Variants in TNS1 observed in about 807,000 individuals in gnomAD.
TNS1 encodes tensin 1.
TNS1 carries 62 observed loss-of-function variants against 168.6 expected under a neutral mutation model. That is an observed-to-expected ratio of 0.37 (90% CI 0.30 to 0.45). TNS1 has a LOEUF of 0.45. Ranked by LOEUF, TNS1 falls within the 20% of genes least tolerant of loss-of-function variation. The pLI is 1.00. For synonymous variants in TNS1, 934 were observed against 933.2 expected, an observed-to-expected ratio of 1.00 and a Z score of -0.02; for missense variants, 2,240 against 2,339.4, an observed-to-expected ratio of 0.96 and a Z score of 0.88.
intron 16 of TNS1, among the ~76,000 whole-genome samples, chr2:217,883,854 C>A (rs1950913581): frequency 6.6e-6 from 1 of 152,300 alleles, no homozygotes; most frequent in South Asian, 2.1e-4. Context: ...GCCCCAGGTC[C>A]AGTCTTTCTC....
chr2:217,886,185 G>A, intron 13 of TNS1, 81 bp from the exon 14 acceptor site: 1 of 1,464,060 alleles, frequency 6.8e-7, no homozygotes, highest in Non-Finnish European at 9.5e-7. Flanking sequence ...AAGGGAGAAA[G>A]AGAGAAAGGA....
At chr2:217,979,044 A>G in intron 2 of TNS1, 1 of 481,926 alleles carries the variant, frequency 2.1e-6, no homozygotes, top group Non-Finnish European at 3.7e-6. Flanking sequence ...TCCCAGAGCC[A>G]GAGCCCCTCC....
chr2:217,945,888 C>G (rs1006989561), intron 3 of TNS1, among the ~76,000 whole-genome samples: 3 of 152,182 alleles, frequency 2.0e-5, no homozygotes, highest in Non-Finnish European at 4.4e-5. Flanking sequence ...GATCCCGGGT[C>G]AGTTTCAGCT....
Position 217,848,644 on chromosome 2 carries a change from T to C in TNS1, c.1873A>G (p.Ile625Val). ...TGGTTTGGCAATTCATCGTCCAGGA[T>C]GTCTGTCTCCCGCTCAGATGCTAAC... ...GALASERETD[I>V]LDDELPNQDG... The change falls in exon 19 of 33, where the codon ATC (isoleucine) becomes GTC (valine). Residue 625 changes from isoleucine to valine, a missense_variant. Physicochemically the swap from Ile to Val is conservative, Grantham distance 29. This residue lies in a region of TNS1 where 2,131 missense variants were observed against 2,171.2 expected (regional missense o/e 0.98). Transcript: ENST00000682258. The C allele has an allele frequency of 1.9e-6, 3 of 1,614,232 alleles. No individual in the cohort carries two copies. Among genetic ancestry groups the C allele is most frequent in the South Asian group, 1.1e-5 (1 of 91,090 alleles).
At chr2:217,852,421 C>G (rs1050974968) in intron 18 of TNS1, among the ~76,000 whole-genome samples, 4 of 152,210 alleles carry the variant, frequency 2.6e-5, no homozygotes, top group African/African-American at 9.7e-5. Context: ...GCCTCCTCAT[C>G]CCCCACGTTC....
chr2:217,926,038 T>C (rs1575095846), intron 3 of TNS1, among the ~76,000 whole-genome samples: 1 of 152,316 alleles, frequency 6.6e-6, no homozygotes, highest in East Asian at 1.9e-4. Context: ...TAAGTTAAAA[T>C]GAGGCCCTAA....
intron 3 of TNS1, among the ~76,000 whole-genome samples, chr2:217,965,431 C>A (rs1425769545): frequency 6.6e-6 from 1 of 152,168 alleles, no homozygotes; most frequent in Non-Finnish European, 1.5e-5. Context: ...AGTCAAGAGC[C>A]TCCTAAGCCG....
At chr2:217,994,329 G>A (rs566411258) in intron 1 of TNS1, among the ~76,000 whole-genome samples, 2 of 152,146 alleles carry the variant, frequency 1.3e-5, no homozygotes, top group Admixed American at 1.3e-4. Context: ...AGTGTCAACT[G>A]CAGCAGTCCA....
chr2:217,929,713 G>A (rs897707190), intron 3 of TNS1, among the ~76,000 whole-genome samples: 7 of 13,564 alleles, frequency 5.2e-4, no homozygotes, highest in Admixed American at 7.8e-4. Flanking sequence ...CACCCGCCCC[G>A]GCCACCAAAG....
chr2:217,957,783 T>A (rs1957401015), intron 3 of TNS1, among the ~76,000 whole-genome samples: 2 of 144,884 alleles, frequency 1.4e-5, no homozygotes, highest in South Asian at 4.3e-4. Context: ...AGATGCATAC[T>A]GAAGTATTTA....
At chr2:217,904,080 T>A (rs961515808) in intron 6 of TNS1, among the ~76,000 whole-genome samples, 3 of 152,168 alleles carry the variant, frequency 2.0e-5, no homozygotes, top group African/African-American at 7.2e-5. Context: ...CAGAGATTGG[T>A]GACCAACCTA....
intron 4 of TNS1, among the ~76,000 whole-genome samples, chr2:217,910,514 T>C (rs1432459068): frequency 1.3e-5 from 2 of 152,002 alleles, no homozygotes; most frequent in African/African-American, 4.8e-5. Flanking sequence ...GGCATGGGAC[T>C]GGTAACAGGA....
chr2:217,922,473 C>A (rs747316110), intron 3 of TNS1, among the ~76,000 whole-genome samples: 13 of 152,230 alleles, frequency 8.5e-5, no homozygotes, highest in Non-Finnish European at 7.4e-5. Flanking sequence ...GCCAAGCTGC[C>A]AGAGGACGGG....
At chr2:218,002,045 C>T (rs1958574565) in intron 1 of TNS1, among the ~76,000 whole-genome samples, 1 of 152,240 alleles carries the variant, frequency 6.6e-6, no homozygotes, top group East Asian at 1.9e-4. Context: ...TCCTCTCCTC[C>T]TCTGACCCCC....
intron 22 of TNS1, chr2:217,829,925 G>A (rs1170620484): frequency 5.6e-6 from 9 of 1,611,004 alleles, no homozygotes; most frequent in Non-Finnish European, 7.6e-6. Flanking sequence ...GGAGAGGCAG[G>A]AAAGAAGGGC....
rs540260279 is a variant in TNS1, at chr2:217,939,434, G to A, written c.187-19198C>T. On this transcript the variant is annotated intron_variant, in intron 3 of 32. Transcript: ENST00000682258. ...ACAGCAAGGATCACCAGAGAGGCCA[G>A]AGGTGCAGGTCTGCCCTCAAGGAGC... Among the ~76,000 whole-genome samples the A allele has an allele frequency of 2.0e-5, 3 of 152,372 alleles. No individual in the cohort carries two copies. The South Asian group carries it at 6.2e-4, about 32-fold the overall frequency.
chr2:217,955,415 C>G, intron 3 of TNS1, among the ~76,000 whole-genome samples: 1 of 152,230 alleles, frequency 6.6e-6, no homozygotes, highest in Admixed American at 6.5e-5. Context: ...GAAGTGGGCC[C>G]AAACACGAGC....
chr2:217,902,793 C>T (rs768835762), intron 6 of TNS1, among the ~76,000 whole-genome samples: 5 of 152,240 alleles, frequency 3.3e-5, no homozygotes, highest in East Asian at 1.9e-4. Flanking sequence ...GGATGGGGGA[C>T]GAACAGCTGG....
intron 3 of TNS1, among the ~76,000 whole-genome samples, chr2:217,964,593 C>T (rs1454458226): frequency 6.6e-6 from 1 of 152,164 alleles, no homozygotes; most frequent in African/African-American, 2.4e-5. Context: ...CCTGTGTGTG[C>T]TAGGATATAG....
Sources: allele counts gnomAD v4.1 joint callset (sites outside exome capture counted in the v4.1 genomes callset), GRCh38; gene constraint gnomAD v4.1.1; regional missense constraint gnomAD v4.1.1; transcripts MANE v1.5; gene names NCBI Gene and HGNC (gene_info 2026-07-23, HGNC 2026-07-21).